The following SETD7 variants were observed in gnomAD, a reference collection of about 807,000 sequenced individuals.
The protein encoded by SETD7 is histone-lysine N-methyltransferase SETD7.
In SETD7, 16 loss-of-function variants were observed where a neutral mutation model predicts 41.8. The observed-to-expected ratio is 0.38, with a 90% CI of 0.26 to 0.58. The LOEUF (loss-of-function observed/expected upper bound fraction) is 0.58, where lower values mean the gene tolerates loss of function less well. Ranked by LOEUF, SETD7 falls within the 20% of genes least tolerant of loss-of-function variation. The pLI, the probability that SETD7 is intolerant of heterozygous loss-of-function variation, is 0.64. For missense variants in SETD7, 346 were observed against 459.7 expected, an observed-to-expected ratio of 0.75 and a Z score of 2.26; for synonymous variants, 163 against 169.7, an observed-to-expected ratio of 0.96 and a Z score of 0.31.
In SETD7 at chr4:139,506,087, A is replaced by G. The variant is rs992539889; in HGVS notation, c.*5576T>C. 13 of 152,692 alleles carry G rather than the reference A, an allele frequency of 8.5e-5. No homozygotes were observed. The highest frequency in any genetic ancestry group is 3.1e-4 in the African/African-American group (13 of 41,474). The allele number at this position is 152,692 out of a possible 1,614,324, so 9.5% of individuals were successfully genotyped here. A position where few individuals can be genotyped will look rare whatever the true frequency, so the allele number is the denominator to read the frequency against. On this transcript the variant is annotated 3_prime_UTR_variant, in exon 8 of 8. Coordinates refer to ENST00000274031, the MANE Select transcript of SETD7 (RefSeq NM_030648.4). The stretch of plus-strand genomic sequence containing the variant: ...TGCATTGTTTCTATAGCGCAATTAT[A>G]GCAATCTTTAAATTTACTTTCATTA...
At chr4:139,500,541 C>T (rs918058977) in intron 7 of SETD7, among the ~76,000 whole-genome samples, 1 of 152,216 alleles carries the variant, frequency 6.6e-6, no homozygotes, top group African/African-American at 2.4e-5. Flanking sequence ...CGGAGTCTTG[C>T]TCTGTCGTCC....
downstream of SETD7, among the ~76,000 whole-genome samples, chr4:139,501,619 C>CAAATAAAT (rs543196320): frequency 2.0e-5 from 3 of 151,778 alleles, no homozygotes; most frequent in African/African-American, 7.3e-5. Context: ...AAAAAAACCC[C>CAAATAAAT]AAATAAATAA....
chr4:139,545,312 G>A (rs1410319717), intron 2 of SETD7, among the ~76,000 whole-genome samples: 1 of 152,044 alleles, frequency 6.6e-6, no homozygotes, highest in African/African-American at 2.4e-5. Context: ...TCGTGGCAGA[G>A]ACAGGGTCTC....
At position 139,506,706 on chromosome 4, in the gene SETD7, A is replaced by C. The variant is rs1391601173; in HGVS notation, c.*4957T>G. 1.3e-5 allele frequency: 2 copies of C among 152,690 alleles called. No homozygotes were observed. Among genetic ancestry groups the C allele is most frequent in the African/African-American group, 2.4e-5 (1 of 41,542 alleles). The allele number at this position is 152,690 out of a possible 1,614,324, so 9.5% of individuals were successfully genotyped here. The stretch of plus-strand genomic sequence containing the variant: ...TATCCAGGACCAAAGTGGAAAAAAA[A>C]CCCCACTCAAGTTGAATATCATCAT... On this transcript the variant is annotated 3_prime_UTR_variant, in exon 8 of 8. Transcript: ENST00000274031.
intron 2 of SETD7, among the ~76,000 whole-genome samples, chr4:139,546,005 T>C (rs1207446863): frequency 6.6e-6 from 1 of 152,252 alleles, no homozygotes; most frequent in African/African-American, 2.4e-5. Flanking sequence ...AAAGTCATTG[T>C]TGGGAAGCTG....
chr4:139,551,952 A>C (rs557319227), intron 1 of SETD7, among the ~76,000 whole-genome samples: 1 of 152,186 alleles, frequency 6.6e-6, no homozygotes, highest in Non-Finnish European at 1.5e-5. Flanking sequence ...TCAATCACCA[A>C]CTCTTAAAAA....
chr4:139,548,587 G>A (rs1205231955), intron 1 of SETD7, among the ~76,000 whole-genome samples: 2 of 152,200 alleles, frequency 1.3e-5, no homozygotes, highest in Non-Finnish European at 2.9e-5. Context: ...AGCCAAAATT[G>A]TGCCACTGCA....
intron 7 of SETD7, among the ~76,000 whole-genome samples, chr4:139,497,844 C>T (rs999236541): frequency 2.0e-5 from 3 of 152,106 alleles, no homozygotes; most frequent in African/African-American, 4.8e-5. Flanking sequence ...CCACCCGCCT[C>T]GGCCTCCCAA....
intron 3 of SETD7, among the ~76,000 whole-genome samples, chr4:139,530,926 G>T (rs1206270020): frequency 6.6e-6 from 1 of 152,126 alleles, no homozygotes; most frequent in Non-Finnish European, 1.5e-5. Flanking sequence ...CCTTGTTCCT[G>T]CTATGGCCCA....
At position 139,513,386 on chromosome 4, in the gene SETD7, C is replaced by T. The variant is rs543844481; in HGVS notation, c.921-1543G>A. On this transcript the variant is annotated intron_variant, in intron 7 of 7. Transcript: ENST00000274031. ...AGTGAGCTGAGATTGCTCCACTGCA[C>T]TCCAGCCTGGATGACAGAGTGAGAC... 6.7e-5 allele frequency among the ~76,000 whole-genome samples: 10 copies of T among 149,122 alleles called. No homozygotes were observed. In the East Asian group the frequency reaches 1.6e-3, roughly 24 times the overall value.
At position 139,555,181 on chromosome 4, in the gene SETD7, A is replaced by C. The variant is rs914846264; in HGVS notation, c.40+917T>G. ...TCCCCACATCGTTTTTTCAGAACTA[A>C]CAAAAAAAAAAAAAAAAAGGTGGAG... On this transcript the variant is annotated intron_variant, in intron 1 of 7. Transcript: ENST00000274031. This position sits in a 1 kb window ranked among gnomAD's most constrained non-coding sequence, Gnocchi z 4.0. Among the ~76,000 whole-genome samples, 5 of 123,054 alleles carry C rather than the reference A, an allele frequency of 4.1e-5. No homozygotes were observed. Among genetic ancestry groups the C allele is most frequent in the African/African-American group, 1.7e-4 (5 of 28,624 alleles). The allele number at this position is 123,054 out of a possible 152,430, so 80.7% of individuals were successfully genotyped here.
At chr4:139,524,049 C>T (rs1278945122) in intron 4 of SETD7, among the ~76,000 whole-genome samples, 3 of 152,144 alleles carry the variant, frequency 2.0e-5, no homozygotes, top group South Asian at 2.1e-4. Flanking sequence ...AGAGAATCCT[C>T]ACAGACAGCA....
intron 5 of SETD7, among the ~76,000 whole-genome samples, chr4:139,521,671 C>T (rs990377567): frequency 6.6e-6 from 1 of 152,180 alleles, no homozygotes; most frequent in African/African-American, 2.4e-5. Flanking sequence ...GTGGAGGATA[C>T]ATCCTGCCCT....
chr4:139,549,742 CTA>C lies in SETD7; in HGVS notation c.41-2695_41-2694del, dbSNP rs549338227. 3.4e-3 allele frequency among the ~76,000 whole-genome samples: 519 copies of C among 151,798 alleles called. 2 individuals are homozygous for C. Among genetic ancestry groups the C allele is most frequent in the Non-Finnish European group, 5.7e-3 (386 of 67,918 alleles). On this transcript the variant is annotated intron_variant, in intron 1 of 7. Coordinates refer to ENST00000274031, the MANE Select transcript of SETD7 (RefSeq NM_030648.4). The stretch of plus-strand genomic sequence containing the variant: ...GCCTCAGCCTCCAATGTAGCTGGGA[CTA>C]TAGGTAGACATCACCACAACTGGCT...
intron 7 of SETD7, among the ~76,000 whole-genome samples, chr4:139,497,844 C>A (rs999236541): frequency 6.6e-6 from 1 of 152,108 alleles, no homozygotes; most frequent in African/African-American, 2.4e-5. Context: ...CCACCCGCCT[C>A]GGCCTCCCAA....
chr4:139,506,780 A>G lies in SETD7; in HGVS notation c.*4883T>C, dbSNP rs1726715208. On this transcript the variant is annotated 3_prime_UTR_variant, in exon 8 of 8. Coordinates refer to ENST00000274031, the MANE Select transcript of SETD7 (RefSeq NM_030648.4). ...TTTTCAATAACATAAGAGTCAGGAG[A>G]GTTGGGAGGTATGTCCTAGGGATGT... is the stretch of plus-strand genomic sequence containing the variant. 1 of 152,572 alleles carries G rather than the reference A, an allele frequency of 6.6e-6. No homozygotes were observed. The highest frequency in any genetic ancestry group is 2.1e-4 in the South Asian group (1 of 4,826). The allele number at this position is 152,572 out of a possible 1,614,324, so 9.5% of individuals were successfully genotyped here.
At chr4:139,496,330 A>C in exon 8 of SETD7, 2 of 700,412 alleles carry the variant, frequency 2.9e-6, no homozygotes, top group Non-Finnish European at 5.2e-6. Context: ...GGCAGAGTTC[A>C]TTCCATTCGC....
In SETD7 at chr4:139,547,143, A is replaced by G. The variant is rs961217421; in HGVS notation, c.41-94T>C. 5 of 1,487,464 alleles carry G rather than the reference A, an allele frequency of 3.4e-6. No individual in the cohort carries two copies. The African/African-American group carries it at 7.1e-5, about 21-fold the overall frequency. The allele number at this position is 1,487,464 out of a possible 1,614,324, so 92.1% of individuals were successfully genotyped here. A position where few individuals can be genotyped will look rare whatever the true frequency, so the allele number is the denominator to read the frequency against. On this transcript the variant is annotated intron_variant, in intron 1 of 7. Coordinates refer to ENST00000274031, the MANE Select transcript of SETD7 (RefSeq NM_030648.4). ...TCAGATGCTGCCAGACAAGTCCCCC[A>G]CCCAACTCCCCTCCAGCTGCCAAAG...
rs1329402112 is a variant in SETD7 at position 139,555,540 on chromosome 4, G to C, written c.40+558C>G. ...GCCCGACAATGATTTCATCTTTTCG[G>C]AAGAGCTGCCGCCTGGGCCGCGGCT... On this transcript the variant is annotated intron_variant, in intron 1 of 7. Transcript: ENST00000274031. This position sits in a 1 kb window ranked among gnomAD's most constrained non-coding sequence, Gnocchi z 4.0. Among the ~76,000 whole-genome samples, 14 of 152,138 alleles carry C rather than the reference G, an allele frequency of 9.2e-5. No individual in the cohort carries two copies. Among genetic ancestry groups the C allele is most frequent in the East Asian group, 1.9e-4 (1 of 5,156 alleles).
Sources: gnomAD v4.1 joint callset for allele counts (sites outside exome capture counted in the v4.1 genomes callset) on GRCh38, gnomAD v4.1.1 for gene constraint, Gnocchi (gnomAD v3.1) non-coding constraint, MANE v1.5 for transcripts, NCBI Gene and HGNC (gene_info 2026-07-23, HGNC 2026-07-21) for gene names.